The following DEPDC5 variants were observed in gnomAD, a reference collection of about 807,000 sequenced individuals.
DEPDC5 encodes GATOR1 complex protein DEPDC5.
In DEPDC5, 73 loss-of-function variants were observed where a neutral mutation model predicts 217.3. The ratio of observed to expected loss-of-function variants is 0.34; its 90% CI spans 0.28 to 0.41. The LOEUF is 0.41. Among genes scored for constraint, DEPDC5 ranks in the 10% least tolerant of loss-of-function variants. The probability of loss-of-function intolerance (pLI) is 1.00; values close to 1 mark genes in which losing one functional copy is unlikely to be tolerated. For missense variants in DEPDC5, 1,675 were observed against 2,070.1 expected, an observed-to-expected ratio of 0.81 and a Z score of 3.70; for synonymous variants, 733 against 756.7, an observed-to-expected ratio of 0.97 and a Z score of 0.51.
chr22:31,786,793 A>G (rs2085037133), intron 10 of DEPDC5, among the ~76,000 whole-genome samples: 1 of 152,048 alleles, frequency 6.6e-6, no homozygotes, highest in Non-Finnish European at 1.5e-5. Context: ...TTATTTTTGT[A>G]GAGACAGGGT....
intron 34 of DEPDC5, 84 bp from the exon 35 acceptor site, chr22:31,873,171 G>A: frequency 6.2e-7 from 1 of 1,607,690 alleles, no homozygotes; most frequent in South Asian, 1.1e-5. Context: ...TGGCTCCATA[G>A]GAAGTGGAGA....
intron 41 of DEPDC5, among the ~76,000 whole-genome samples, chr22:31,905,726 G>A (rs1352888835): frequency 1.3e-5 from 2 of 152,084 alleles, no homozygotes; most frequent in African/African-American, 2.4e-5. Context: ...CACTATGGTG[G>A]TAGTGACATG....
chr22:31,828,889 G>A (rs374070311), intron 24 of DEPDC5, among the ~76,000 whole-genome samples: 27 of 152,198 alleles, frequency 1.8e-4, no homozygotes, highest in African/African-American at 6.0e-4. Context: ...GGGTAATGAC[G>A]ATGAAAGGAA....
At position 31,893,673 on chromosome 22, in the gene DEPDC5, T is replaced by C. The variant is rs200220521; in HGVS notation, c.4125T>C (p.His1375=). The change falls in exon 39 of 43, where the codon CAT becomes CAC. Residue 1375 remains histidine, a synonymous_variant. Coordinates refer to ENST00000651528, the MANE Select transcript of DEPDC5 (RefSeq NM_001242896.3). ...DRLEWCSCYY[H]GNFSLNAAFE... Reference sequence around the variant, plus strand: ...TGGAGTGGTGCAGCTGTTATTACCATGGCAACTTTTCTCTGAATGCAGCCT... The same window carrying C: ...TGGAGTGGTGCAGCTGTTATTACCACGGCAACTTTTCTCTGAATGCAGCCT... The C allele has an allele frequency of 3.0e-5, 48 of 1,614,052 alleles. No individual in the cohort carries two copies. In the East Asian group the frequency reaches 1.0e-3, roughly 34 times the overall value.
At chr22:31,763,113 C>T (rs2082536653) in intron 4 of DEPDC5, among the ~76,000 whole-genome samples, 1 of 152,128 alleles carries the variant, frequency 6.6e-6, no homozygotes, top group Admixed American at 6.6e-5. Context: ...GCCTCAGCCT[C>T]CTCAGTAGCT....
intron 38 of DEPDC5, chr22:31,880,307 C>T (rs2149299874): frequency 6.3e-6 from 1 of 158,910 alleles, no homozygotes; most frequent in East Asian, 1.8e-4. Flanking sequence ...TGGGGGTAAA[C>T]AGCTGCTTAT....
intron 25 of DEPDC5, chr22:31,834,348 T>A: frequency 4.3e-6 from 1 of 231,020 alleles, no homozygotes; most frequent in South Asian, 9.2e-5. Context: ...TGCCTGTAGT[T>A]GAAATATTTG....
chr22:31,862,906 CT>C (rs1161048028), intron 33 of DEPDC5, among the ~76,000 whole-genome samples: 1 of 152,166 alleles, frequency 6.6e-6, no homozygotes, highest in Non-Finnish European at 1.5e-5. Flanking sequence ...TCCTTTTCAC[CT>C]TTTACTTTCT....
At chr22:31,795,099 A>G (rs1318777839) in intron 12 of DEPDC5, among the ~76,000 whole-genome samples, 1 of 119,508 alleles carries the variant, frequency 8.4e-6, no homozygotes, top group Non-Finnish European at 1.6e-5. Flanking sequence ...GAGATGGAGT[A>G]TCACTCTGTT....
intron 5 of DEPDC5, among the ~76,000 whole-genome samples, chr22:31,766,158 A>G (rs1379729164): frequency 6.6e-6 from 1 of 152,242 alleles, no homozygotes; most frequent in African/African-American, 2.4e-5. Context: ...GTGAAACTAT[A>G]TGTAAAACTT....
chr22:31,898,101 G>A (rs1426440310), intron 40 of DEPDC5, among the ~76,000 whole-genome samples: 1 of 152,178 alleles, frequency 6.6e-6, no homozygotes, highest in African/African-American at 2.4e-5. Context: ...ACAGGAAACA[G>A]CATCCTTTTG....
At chr22:31,874,893 C>G (rs2092948460) in intron 36 of DEPDC5, among the ~76,000 whole-genome samples, 1 of 152,200 alleles carries the variant, frequency 6.6e-6, no homozygotes, top group Non-Finnish European at 1.5e-5. Flanking sequence ...GCAGGATCAC[C>G]TCTTATTTTC....
chr22:31,883,353 A>G (rs991002589), intron 38 of DEPDC5, among the ~76,000 whole-genome samples: 2 of 152,176 alleles, frequency 1.3e-5, no homozygotes, highest in African/African-American at 4.8e-5. Flanking sequence ...ACTTTGGGGT[A>G]GGATGAATGG....
chr22:31,785,775 T>G (rs564618035), intron 10 of DEPDC5, among the ~76,000 whole-genome samples: 113 of 152,250 alleles, frequency 7.4e-4, no homozygotes, highest in African/African-American at 2.6e-3. Flanking sequence ...TCAATGGAAT[T>G]GAATTGAAAC....
chr22:31,897,712 G>T, intron 40 of DEPDC5, 59 bp downstream of exon 40: 1 of 1,581,874 alleles, frequency 6.3e-7, no homozygotes, highest in South Asian at 1.1e-5. Context: ...CCCTAACAAG[G>T]ACACCACTCT....
intron 14 of DEPDC5, among the ~76,000 whole-genome samples, chr22:31,802,063 AATAAT>A (rs905626444): frequency 6.8e-6 from 1 of 148,090 alleles, no homozygotes; most frequent in Non-Finnish European, 1.5e-5. Flanking sequence ...TAATATATAA[AATAAT>A]ATAATCAAAG....
Position 31,804,145 on chromosome 22 carries a change from GTCTTT to G in DEPDC5, c.1082-10_1082-6del. ...CCATTCCCTCCCCACAATTCTTTTT[GTCTTT>G]TCTTTTTTTAGGAATTGGTGTGGAT... On this transcript the variant is annotated splice_polypyrimidine_tract_variant and intron_variant, in intron 15 of 42. Transcript: ENST00000651528. 1.9e-6 allele frequency: 3 copies of G among 1,613,640 alleles called. No homozygotes were observed. Among genetic ancestry groups the G allele is most frequent in the Non-Finnish European group, 2.5e-6 (3 of 1,179,688 alleles).
rs555671093 is a variant in DEPDC5 at position 31,885,167 on chromosome 22, C to G, written c.4033+5415C>G. 2.0e-5 allele frequency among the ~76,000 whole-genome samples: 3 copies of G among 152,298 alleles called. No individual in the cohort carries two copies. In the East Asian group the frequency reaches 5.8e-4, roughly 29 times the overall value. Reference sequence around the variant, plus strand: ...ATGTTCCCCTTCTGGGCAGGATCCTCTTGTAGCTCCCAGCTCACTCGAAAC... The same window carrying G: ...ATGTTCCCCTTCTGGGCAGGATCCTGTTGTAGCTCCCAGCTCACTCGAAAC... On this transcript the variant is annotated intron_variant, in intron 38 of 42. Coordinates refer to ENST00000651528, the MANE Select transcript of DEPDC5 (RefSeq NM_001242896.3).
At chr22:31,883,651 C>T (rs553826324) in intron 38 of DEPDC5, among the ~76,000 whole-genome samples, 23 of 152,164 alleles carry the variant, frequency 1.5e-4, no homozygotes, top group Non-Finnish European at 3.1e-4. Flanking sequence ...CTCAGAGAGG[C>T]GAAGTAATTT....
Sources: allele counts gnomAD v4.1 joint callset (sites outside exome capture counted in the v4.1 genomes callset), GRCh38; gene constraint gnomAD v4.1.1; transcripts MANE v1.5; gene names NCBI Gene and HGNC (gene_info 2026-07-23, HGNC 2026-07-21).